The following NLGN1 variants were observed in gnomAD, a reference collection of about 807,000 sequenced individuals.
NLGN1 encodes the protein neuroligin 1.
In NLGN1, 12 loss-of-function variants were observed where a neutral mutation model predicts 65.5. The ratio of observed to expected loss-of-function variants is 0.18; its 90% CI spans 0.12 to 0.30. NLGN1 has a LOEUF of 0.30. Ranked by LOEUF, NLGN1 falls within the 10% of genes least tolerant of loss-of-function variation. The probability of loss-of-function intolerance (pLI) is 1.00; values close to 1 mark genes in which losing one functional copy is unlikely to be tolerated. For synonymous variants in NLGN1, 350 were observed against 359.5 expected (o/e 0.97, Z 0.30); for missense variants, 750 against 1,007.1 (o/e 0.74, Z 3.46).
At chr3:174,010,158 A>T (rs1012707984) in intron 4 of NLGN1, among the ~76,000 whole-genome samples, 2 of 152,196 alleles carry the variant, frequency 1.3e-5, no homozygotes, top group Non-Finnish European at 2.9e-5. Context: ...ATTCAAAAAA[A>T]ATGTTCAAAT....
chr3:173,711,243 T>C (rs956326819), intron 3 of NLGN1, among the ~76,000 whole-genome samples: 2 of 152,210 alleles, frequency 1.3e-5, no homozygotes, highest in African/African-American at 4.8e-5. Context: ...ATTTCACAGA[T>C]ATCTCACTTT....
intron 4 of NLGN1, among the ~76,000 whole-genome samples, chr3:174,080,600 C>T (rs1169855304): frequency 6.6e-6 from 1 of 151,978 alleles, no homozygotes; most frequent in East Asian, 1.9e-4. Context: ...TTAATGGAGT[C>T]GTAGGTATGC....
intron 3 of NLGN1, among the ~76,000 whole-genome samples, chr3:173,722,532 A>G (rs1771029933): frequency 6.6e-6 from 1 of 151,928 alleles, no homozygotes; most frequent in South Asian, 2.1e-4. Flanking sequence ...GAGCCACCGC[A>G]GCTGGCCAAC....
At chr3:174,283,139 AG>A (rs1751737176) in exon 7 of NLGN1, 1 of 151,870 alleles carries the variant, frequency 6.6e-6, no homozygotes, top group African/African-American at 2.4e-5. Flanking sequence ...AAGAAAAAAA[AG>A]AAAAAAAGGA....
At chr3:174,064,640 AT>A (rs1738116903) in intron 4 of NLGN1, among the ~76,000 whole-genome samples, 1 of 150,416 alleles carries the variant, frequency 6.6e-6, no homozygotes, top group Non-Finnish European at 1.5e-5. Flanking sequence ...ATAATAGGAT[AT>A]ATGTGTGAAT....
intron 4 of NLGN1, among the ~76,000 whole-genome samples, chr3:173,894,258 A>G (rs75003871): frequency 8.5e-5 from 13 of 152,308 alleles, no homozygotes; most frequent in African/African-American, 3.1e-4. Flanking sequence ...CATCAAACAC[A>G]CTACCTAGCA....
chr3:174,221,751 A>C, intron 4 of NLGN1, among the ~76,000 whole-genome samples: 1 of 152,046 alleles, frequency 6.6e-6, no homozygotes, highest in East Asian at 1.9e-4. Flanking sequence ...CACCCTTTTA[A>C]GCTTCTAGGA....
At chr3:174,200,532 C>G (rs1734244419) in intron 4 of NLGN1, among the ~76,000 whole-genome samples, 1 of 152,038 alleles carries the variant, frequency 6.6e-6, no homozygotes, top group Admixed American at 6.6e-5. Context: ...ACTGGAGGGC[C>G]CTACAGTATA....
chr3:173,504,687 T>C (rs1387316698), intron 2 of NLGN1, among the ~76,000 whole-genome samples: 2 of 152,046 alleles, frequency 1.3e-5, no homozygotes, highest in Non-Finnish European at 2.9e-5. Flanking sequence ...TCACACGAAC[T>C]CTCCACCAAA....
At chr3:173,427,286 A>G (rs938382695) in intron 1 of NLGN1, among the ~76,000 whole-genome samples, 1 of 150,648 alleles carries the variant, frequency 6.6e-6, no homozygotes, top group Non-Finnish European at 1.5e-5. Context: ...TTATTTTTCT[A>G]TTTTCTTTTT....
chr3:173,753,969 T>TATAATATAATA (rs1553836569), intron 3 of NLGN1, among the ~76,000 whole-genome samples: 10,111 of 144,668 alleles, frequency 0.07, 478 homozygotes, highest in Non-Finnish European at 0.098. Context: ...TATAATATAA[T>TATAATATAATA]ATAATATCTA....
chr3:174,000,325 A>C (rs1319360222), intron 4 of NLGN1, among the ~76,000 whole-genome samples: 1 of 152,188 alleles, frequency 6.6e-6, no homozygotes, highest in Non-Finnish European at 1.5e-5. Context: ...CTTAGTTTTC[A>C]TAGCAAATGC....
intron 2 of NLGN1, among the ~76,000 whole-genome samples, chr3:173,447,561 C>T (rs1720615993): frequency 1.3e-5 from 2 of 151,844 alleles, no homozygotes; most frequent in South Asian, 2.1e-4. Flanking sequence ...CTTTTTTGGT[C>T]CCATATGAAC....
chr3:173,547,385 T>A (rs544418475), intron 2 of NLGN1, among the ~76,000 whole-genome samples: 1 of 152,254 alleles, frequency 6.6e-6, no homozygotes, highest in East Asian at 1.9e-4. Context: ...CCACACTGTC[T>A]CCAGAAGAAT....
intron 4 of NLGN1, among the ~76,000 whole-genome samples, chr3:173,906,439 A>G (rs1364483096): frequency 6.6e-6 from 1 of 152,132 alleles, no homozygotes; most frequent in Non-Finnish European, 1.5e-5. Context: ...TTGTGTACCT[A>G]CTTTGGGATA....
At chr3:173,978,091 G>T (rs1717919296) in intron 4 of NLGN1, among the ~76,000 whole-genome samples, 1 of 152,028 alleles carries the variant, frequency 6.6e-6, no homozygotes, top group Admixed American at 6.6e-5. Context: ...ATAAGGAAAA[G>T]ATAATAGGTC....
intron 4 of NLGN1, among the ~76,000 whole-genome samples, chr3:173,926,188 G>A (rs1298917618): frequency 2.0e-5 from 3 of 150,270 alleles, no homozygotes; most frequent in African/African-American, 4.9e-5. Context: ...TGTTATCTAA[G>A]GACAAAGATA....
intron 4 of NLGN1, among the ~76,000 whole-genome samples, chr3:173,815,936 T>A (rs981839574): frequency 3.3e-5 from 5 of 151,250 alleles, no homozygotes; most frequent in African/African-American, 9.7e-5. Context: ...ATAATATTAT[T>A]ATGTCATTCT....
At chr3:173,983,917 T>C (rs1335927050) in intron 4 of NLGN1, among the ~76,000 whole-genome samples, 1 of 152,210 alleles carries the variant, frequency 6.6e-6, no homozygotes, top group Admixed American at 6.5e-5. Context: ...TTCGCTGATA[T>C]ATTTGCAGAA....
Sources: gnomAD v4.1 joint callset for allele counts (sites outside exome capture counted in the v4.1 genomes callset) on GRCh38, gnomAD v4.1.1 for gene constraint, MANE v1.5 for transcripts, NCBI Gene and HGNC (gene_info 2026-07-23, HGNC 2026-07-21) for gene names.